LRRC4C: variants seen among roughly 807,000 people sequenced by gnomAD.
LRRC4C encodes the protein leucine-rich repeat-containing protein 4C.
LRRC4C carries 5 observed loss-of-function variants against 33.6 expected under a neutral mutation model. The ratio of observed to expected loss-of-function variants is 0.15; its 90% CI spans 0.08 to 0.31. The LOEUF (loss-of-function observed/expected upper bound fraction) is 0.31, where lower values mean the gene tolerates loss of function less well. Ranked by LOEUF, LRRC4C falls within the 10% of genes least tolerant of loss-of-function variation. The pLI is 1.00. For synonymous variants in LRRC4C, 329 were observed against 302.0 expected, an observed-to-expected ratio of 1.09 and a Z score of -0.93; for missense variants, 560 against 796.7, an observed-to-expected ratio of 0.70 and a Z score of 3.58.
chr11:40,750,236 A>C (rs2136979513), intron 2 of LRRC4C, among the ~76,000 whole-genome samples: 1 of 152,216 alleles, frequency 6.6e-6, no homozygotes, highest in African/African-American at 2.4e-5. Flanking sequence ...ACAAACAAAA[A>C]TCCACAGGAC....
intron 1 of LRRC4C, among the ~76,000 whole-genome samples, chr11:41,320,354 G>A (rs2137265725): frequency 6.6e-6 from 1 of 152,284 alleles, no homozygotes; most frequent in African/African-American, 2.4e-5. Context: ...ATCAAATCTT[G>A]TGAGAAATAG....
intron 1 of LRRC4C, among the ~76,000 whole-genome samples, chr11:40,969,945 A>T (rs1851609226): frequency 1.3e-5 from 2 of 152,166 alleles, no homozygotes; most frequent in South Asian, 4.1e-4. Flanking sequence ...TTTGATCAAT[A>T]GAACAAGGCA....
At chr11:40,806,606 A>T (rs570533834) in intron 2 of LRRC4C, among the ~76,000 whole-genome samples, 1 of 152,330 alleles carries the variant, frequency 6.6e-6, no homozygotes, top group African/African-American at 2.4e-5. Flanking sequence ...GATGGAACAA[A>T]ATTTTGGAAA....
At chr11:41,132,595 A>G (rs959367839) in intron 1 of LRRC4C, among the ~76,000 whole-genome samples, 5 of 152,150 alleles carry the variant, frequency 3.3e-5, no homozygotes, top group African/African-American at 1.2e-4. Context: ...CTGAACCTTA[A>G]TGGAAAAATG....
intron 1 of LRRC4C, among the ~76,000 whole-genome samples, chr11:41,105,863 T>A (rs891840688): frequency 1.3e-5 from 2 of 152,226 alleles, no homozygotes; most frequent in African/African-American, 4.8e-5. Flanking sequence ...CATTTTATTA[T>A]AACAAAATAA....
At chr11:40,958,047 C>T (rs1959039683) in intron 1 of LRRC4C, among the ~76,000 whole-genome samples, 1 of 151,642 alleles carries the variant, frequency 6.6e-6, no homozygotes, top group South Asian at 2.1e-4. Context: ...TCCCAGCTAG[C>T]TCATCCCTTC....
chr11:40,815,222 CA>C (rs1951658921), intron 2 of LRRC4C, among the ~76,000 whole-genome samples: 1 of 152,150 alleles, frequency 6.6e-6, no homozygotes, highest in Non-Finnish European at 1.5e-5. Context: ...TACATGGTGG[CA>C]GTCAAGAGAG....
chr11:41,078,406 G>T (rs1341643033), intron 1 of LRRC4C, among the ~76,000 whole-genome samples: 1 of 152,100 alleles, frequency 6.6e-6, no homozygotes. Context: ...AAAGAACTCC[G>T]TGATACTGGG....
In LRRC4C at chr11:40,665,466, A is replaced by G. The variant is rs1227383125; in HGVS notation, c.-406-17188T>C. ...TTAGATGATTCCATATTCTATTTCT[A>G]TTGTGTTATAAGGCTTATGCACATT... On this transcript the variant is annotated intron_variant, in intron 2 of 6. Coordinates refer to ENST00000528697, the MANE Select transcript of LRRC4C (RefSeq NM_001258419.2). 2.0e-5 allele frequency among the ~76,000 whole-genome samples: 3 copies of G among 148,374 alleles called. No homozygotes were observed. The Admixed American group carries it at 2.0e-4, about 10-fold the overall frequency.
intron 1 of LRRC4C, among the ~76,000 whole-genome samples, chr11:41,350,567 C>A (rs1951949055): frequency 6.7e-6 from 1 of 150,358 alleles, no homozygotes; most frequent in South Asian, 2.1e-4. Context: ...GCATATAGAC[C>A]ATGATAAAAA....
intron 5 of LRRC4C, among the ~76,000 whole-genome samples, chr11:40,227,576 G>A (rs541568437): frequency 4.6e-5 from 7 of 152,098 alleles, no homozygotes; most frequent in African/African-American, 1.7e-4. Flanking sequence ...AAGGGAAAGA[G>A]GTGAAAAGTC....
intron 1 of LRRC4C, among the ~76,000 whole-genome samples, chr11:41,448,304 C>CTTTTTTT (rs35728528): frequency 9.5e-6 from 1 of 104,948 alleles, no homozygotes; most frequent in Non-Finnish European, 2.0e-5. Flanking sequence ...TTACATAGAG[C>CTTTTTTT]TTTTTTTTTT....
intron 3 of LRRC4C, among the ~76,000 whole-genome samples, chr11:40,461,410 T>C (rs1466792038): frequency 6.6e-6 from 1 of 152,104 alleles, no homozygotes; most frequent in Admixed American, 6.6e-5. Context: ...GTTGTAACTT[T>C]CTAGTGTCTT....
chr11:41,317,593 G>A (rs908851374), intron 1 of LRRC4C, among the ~76,000 whole-genome samples: 1 of 151,838 alleles, frequency 6.6e-6, no homozygotes, highest in African/African-American at 2.4e-5. Context: ...TTTTCCTATA[G>A]TTAAACTAGT....
intron 1 of LRRC4C, among the ~76,000 whole-genome samples, chr11:41,178,991 G>A (rs897984566): frequency 9.9e-5 from 15 of 152,020 alleles, no homozygotes; most frequent in African/African-American, 3.1e-4. Context: ...CTGAGCCACC[G>A]TGCCCGGCCA....
intron 5 of LRRC4C, among the ~76,000 whole-genome samples, chr11:40,229,852 T>G (rs947186338): frequency 1.3e-5 from 2 of 152,192 alleles, no homozygotes; most frequent in Non-Finnish European, 2.9e-5. Flanking sequence ...AATAAATGAC[T>G]CTTCAAAGAC....
intron 3 of LRRC4C, among the ~76,000 whole-genome samples, chr11:40,627,113 G>A (rs900082140): frequency 4.8e-5 from 7 of 144,630 alleles, no homozygotes; most frequent in Admixed American, 4.2e-4. Context: ...GGTGGGTCAG[G>A]TACTAGGATG....
At chr11:41,152,182 A>T (rs1590766243) in intron 1 of LRRC4C, among the ~76,000 whole-genome samples, 2 of 152,316 alleles carry the variant, frequency 1.3e-5, no homozygotes, top group South Asian at 4.1e-4. Context: ...GGACGGCACC[A>T]GCCTTTATGG....
At chr11:40,693,992 T>A (rs1945357785) in intron 2 of LRRC4C, among the ~76,000 whole-genome samples, 2 of 152,122 alleles carry the variant, frequency 1.3e-5, no homozygotes, top group South Asian at 4.1e-4. Context: ...AAACTGCTGA[T>A]ATCTAGTCTT....
Sources: gnomAD v4.1 joint callset for allele counts (sites outside exome capture counted in the v4.1 genomes callset) on GRCh38, gnomAD v4.1.1 for gene constraint, MANE v1.5 for transcripts, NCBI Gene and HGNC (gene_info 2026-07-23, HGNC 2026-07-21) for gene names.